Variants in CNTRL observed in about 807,000 individuals in gnomAD.
CNTRL encodes the protein centriolin.
Under a neutral mutation model 303.7 loss-of-function variants are expected in CNTRL, and 233 were observed. That is an observed-to-expected ratio of 0.77 (90% confidence interval 0.69 to 0.86). The LOEUF (loss-of-function observed/expected upper bound fraction) is 0.86, where lower values mean the gene tolerates loss of function less well. Ranked by LOEUF, CNTRL falls within the 40% of genes least tolerant of loss-of-function variation. The pLI is 0.00. For synonymous variants in CNTRL, 900 were observed against 922.2 expected (o/e 0.98, Z 0.44); for missense variants, 2,524 against 2,650.6 (o/e 0.95, Z 1.05).
At chr9:121,169,456 G>T (rs1013425571) in intron 38 of CNTRL, among the ~76,000 whole-genome samples, 155 bp from the exon 39 acceptor site, 6 of 152,128 alleles carry the variant, frequency 3.9e-5, no homozygotes, top group African/African-American at 1.4e-4. Context: ...TGGGCCTTTG[G>T]TGTGGGTCAG....
intron 5 of CNTRL, among the ~76,000 whole-genome samples, chr9:121,095,346 A>G (rs565999117): frequency 6.6e-6 from 1 of 152,312 alleles, no homozygotes; most frequent in South Asian, 2.1e-4. Flanking sequence ...GAATGTTGAC[A>G]TGAAGCAGAA....
chr9:121,119,204 A>AT (rs576211204), intron 12 of CNTRL, among the ~76,000 whole-genome samples: 40 of 149,994 alleles, frequency 2.7e-4, no homozygotes, highest in Non-Finnish European at 4.2e-4. Flanking sequence ...TGGTATATTT[A>AT]TTTTTTTTTA....
intron 2 of CNTRL, 53 bp from the exon 3 acceptor site, chr9:121,088,243 T>C (rs1282942466): frequency 4.6e-6 from 4 of 872,500 alleles, no homozygotes; most frequent in Middle Eastern, 3.2e-4. Context: ...GAAAGAATAG[T>C]TTTGATAACT....
At chr9:121,161,667 A>C (rs764419774) in intron 32 of CNTRL, among the ~76,000 whole-genome samples, 189 bp from the exon 33 acceptor site, 2 of 152,244 alleles carry the variant, frequency 1.3e-5, no homozygotes, top group Non-Finnish European at 2.9e-5. Flanking sequence ...GTTTTTAACA[A>C]ATTAAATAGT....
intron 31 of CNTRL, among the ~76,000 whole-genome samples, chr9:121,159,726 C>G (rs987649255): frequency 6.7e-6 from 1 of 150,004 alleles, no homozygotes; most frequent in Non-Finnish European, 1.5e-5. Flanking sequence ...TTTCTTTCTT[C>G]TGGAAGAAGG....
chr9:121,110,034 A>G (rs2049677888), intron 8 of CNTRL, among the ~76,000 whole-genome samples: 1 of 152,176 alleles, frequency 6.6e-6, no homozygotes, highest in Non-Finnish European at 1.5e-5. Flanking sequence ...TAATGATAAT[A>G]TCATCTGTGA....
At chr9:121,149,393 T>G (rs76770343) in intron 24 of CNTRL, among the ~76,000 whole-genome samples, 1 of 22,852 alleles carries the variant, frequency 4.4e-5, no homozygotes, top group African/African-American at 1.2e-4. Flanking sequence ...ATTCAGAAAC[T>G]TTTTTTTGTT....
At chr9:121,147,392 G>A (rs1315670406) in intron 23 of CNTRL, among the ~76,000 whole-genome samples, 1 of 152,166 alleles carries the variant, frequency 6.6e-6, no homozygotes, top group Admixed American at 6.5e-5. Context: ...GAAATGGGTT[G>A]TGTACTAAAA....
chr9:121,158,724 C>G, intron 30 of CNTRL, 131 bp from the exon 31 acceptor site: 1 of 862,918 alleles, frequency 1.2e-6, no homozygotes, highest in South Asian at 1.7e-5. Context: ...GCACTCCTTG[C>G]CTGGCTTTTC....
At chr9:121,107,384 G>A (rs916049486) in intron 7 of CNTRL, among the ~76,000 whole-genome samples, 2 of 152,102 alleles carry the variant, frequency 1.3e-5, no homozygotes, top group Non-Finnish European at 2.9e-5. Flanking sequence ...TCAGCTTTTC[G>A]CAAGCCTTTT....
intron 23 of CNTRL, among the ~76,000 whole-genome samples, chr9:121,146,823 G>A (rs190712086): frequency 4.6e-5 from 7 of 152,338 alleles, no homozygotes; most frequent in African/African-American, 1.7e-4. Context: ...TGCTTCACAA[G>A]CAGGGATGTG....
intron 7 of CNTRL, among the ~76,000 whole-genome samples, chr9:121,100,828 G>A (rs1277518151): frequency 3.9e-5 from 6 of 152,158 alleles, no homozygotes; most frequent in Non-Finnish European, 5.9e-5. Flanking sequence ...ATTACATAAT[G>A]GTAAAGGGAT....
At chr9:121,142,328 T>C in intron 19 of CNTRL, 58 bp downstream of exon 19, 2 of 1,465,700 alleles carry the variant, frequency 1.4e-6, no homozygotes, top group Non-Finnish European at 1.8e-6. Context: ...TCCTGCCCAC[T>C]GGCAACTAGG....
At chr9:121,085,065 C>G (rs1435381918) in intron 2 of CNTRL, among the ~76,000 whole-genome samples, 3 of 152,114 alleles carry the variant, frequency 2.0e-5, no homozygotes, top group African/African-American at 7.2e-5. Context: ...ATAGTAGACA[C>G]TGAAGTTTGA....
chr9:121,139,439 G>T lies in CNTRL; in HGVS notation c.2337+760G>T, dbSNP rs371801481. Among the ~76,000 whole-genome samples the T allele has an allele frequency of 4.3e-4, 65 of 152,206 alleles. 1 individual carries two copies. Among genetic ancestry groups the T allele is most frequent in the African/African-American group, 1.5e-3 (62 of 41,546 alleles). On this transcript the variant is annotated intron_variant, in intron 16 of 43. Transcript: ENST00000373855. ...GGTTCCAAAAAAAACTACGTAGGGG[G>T]ATTTGAGAGAAATAAGACTAAACTC...
intron 17 of CNTRL, among the ~76,000 whole-genome samples, chr9:121,141,165 A>G (rs191261267): frequency 3.3e-5 from 5 of 152,324 alleles, no homozygotes; most frequent in African/African-American, 4.8e-5. Context: ...CTTGGAGCAA[A>G]TATTGTTAGC....
chr9:121,118,612 C>A, intron 12 of CNTRL, 72 bp downstream of exon 12: 5 of 1,246,846 alleles, frequency 4.0e-6, no homozygotes, highest in Non-Finnish European at 4.3e-6. Flanking sequence ...GCATCAGAGT[C>A]CAGAGTCCTT....
chr9:121,148,345 T>G (rs964582094), intron 23 of CNTRL, among the ~76,000 whole-genome samples: 17 of 152,326 alleles, frequency 1.1e-4, no homozygotes, highest in African/African-American at 4.1e-4. Flanking sequence ...ATTTGTTTGC[T>G]TTCACCACAC....
chr9:121,173,226 A>G lies in CNTRL; in HGVS notation c.6418-17A>G, dbSNP rs1308047380. 6.3e-7 allele frequency: 1 copy of G among 1,592,414 alleles called. No homozygotes were observed. The highest frequency in any genetic ancestry group is 2.2e-5 in the East Asian group (1 of 44,526). ...GAAATTTTATACAATGATATTTGAC[A>G]CCAACTCACTGTTTAGATGGCAAAC... is the stretch of plus-strand genomic sequence containing the variant. On this transcript the variant is annotated splice_polypyrimidine_tract_variant and intron_variant, in intron 40 of 43. Coordinates refer to ENST00000373855, the MANE Select transcript of CNTRL (RefSeq NM_007018.6).
Sources: gnomAD v4.1 joint callset for allele counts (sites outside exome capture counted in the v4.1 genomes callset) on GRCh38, gnomAD v4.1.1 for gene constraint, MANE v1.5 for transcripts, NCBI Gene and HGNC (gene_info 2026-07-23, HGNC 2026-07-21) for gene names.